Variants in PCDHA6 observed in about 807,000 individuals in gnomAD.
PCDHA6 encodes protocadherin alpha 6, also known as protocadherin alpha-6.
Under a neutral mutation model 60.3 loss-of-function variants are expected in PCDHA6, and 55 were observed. The observed-to-expected ratio is 0.91, with a 90% CI of 0.73 to 1.14. PCDHA6 has a LOEUF of 1.14. Among genes scored for constraint, PCDHA6 ranks in the 50% most tolerant of loss-of-function variants. PCDHA6 has a pLI of 0.00. For missense variants in PCDHA6, 1,327 were observed against 1,256.5 expected (o/e 1.06, Z -0.85); for synonymous variants, 652 against 557.9 (o/e 1.17, Z -2.38).
At chr5:141,009,462 A>G (rs1279658091) in intron 3 of PCDHA6, 165 bp from the exon 4 acceptor site, 2 of 954,512 alleles carry the variant, frequency 2.1e-6, no homozygotes, top group Non-Finnish European at 2.5e-6. Flanking sequence ...TAAACAAATA[A>G]ATAAATAAGT....
chr5:140,942,846 A>C (rs1239885134), intron 1 of PCDHA6, among the ~76,000 whole-genome samples: 1 of 152,312 alleles, frequency 6.6e-6, no homozygotes, highest in East Asian at 1.9e-4. Flanking sequence ...AAATTCCAGT[A>C]AGATGATTAT....
intron 1 of PCDHA6, chr5:140,859,239 A>G (rs1025873150): frequency 1.3e-5 from 2 of 152,746 alleles, no homozygotes; most frequent in Admixed American, 1.3e-4. Flanking sequence ...AGTCATGCTT[A>G]TGTTTAATAA....
intron 1 of PCDHA6, among the ~76,000 whole-genome samples, chr5:140,960,639 C>T (rs1184483884): frequency 5.9e-5 from 9 of 152,058 alleles, no homozygotes; most frequent in Admixed American, 5.9e-4. Flanking sequence ...ATTTTTAAAA[C>T]CCCTATCCAA....
chr5:140,994,788 C>G (rs139745274), intron 3 of PCDHA6, among the ~76,000 whole-genome samples: 1 of 152,194 alleles, frequency 6.6e-6, no homozygotes, highest in East Asian at 1.9e-4. Context: ...GGAAACAATG[C>G]GTGCATGCAA....
intron 3 of PCDHA6, among the ~76,000 whole-genome samples, chr5:140,991,068 T>A (rs1563570560): frequency 6.6e-6 from 1 of 152,216 alleles, no homozygotes; most frequent in Admixed American, 6.5e-5. Flanking sequence ...ATTATTCCCA[T>A]GTTTCAGATA....
intron 1 of PCDHA6, chr5:140,835,866 G>A (rs2150246890): frequency 6.2e-7 from 1 of 1,612,132 alleles, no homozygotes. Context: ...CTACTCGCTG[G>A]TGGAGCTGCG....
chr5:140,838,077 A>AGT (rs2150283763), intron 1 of PCDHA6, among the ~76,000 whole-genome samples: 1,310 of 80,648 alleles, frequency 0.016, 14 homozygotes, highest in South Asian at 0.044. Context: ...ATATATATAT[A>AGT]GTGTGTGTGT....
chr5:140,842,383 C>G lies in PCDHA6; in HGVS notation c.2394+11898C>G, dbSNP rs1554138979. 20 of 1,610,678 alleles carry G rather than the reference C, an allele frequency of 1.2e-5. No individual in the cohort carries two copies. In the South Asian group the frequency reaches 2.2e-4, roughly 18 times the overall value. On this transcript the variant is annotated intron_variant, in intron 1 of 3. Coordinates refer to ENST00000529310, the MANE Select transcript of PCDHA6 (RefSeq NM_018909.4). ...ACGTCCCTGAGATAGCACTGACTTC[C>G]TTATCCTTGCCTGTACGTGAAGACG... is the stretch of plus-strand genomic sequence containing the variant.
At chr5:140,979,399 G>T (rs1352440599) in intron 2 of PCDHA6, among the ~76,000 whole-genome samples, 1 of 151,708 alleles carries the variant, frequency 6.6e-6, no homozygotes. Flanking sequence ...CATACATGTT[G>T]TCTACCTTGT....
intron 1 of PCDHA6, among the ~76,000 whole-genome samples, chr5:140,919,297 G>C (rs1351756549): frequency 6.6e-6 from 1 of 152,120 alleles, no homozygotes; most frequent in African/African-American, 2.4e-5. Context: ...GTTGCTGTTT[G>C]TACAATATAT....
Position 140,884,117 on chromosome 5 carries a change from G to A in PCDHA6, c.2394+53632G>A, listed in dbSNP as rs782383006. 1 of 1,613,298 alleles carries A rather than the reference G, an allele frequency of 6.2e-7. No homozygotes were observed. The highest frequency in any genetic ancestry group is 1.7e-5 in the Admixed American group (1 of 60,006). On this transcript the variant is annotated intron_variant, in intron 1 of 3. Transcript: ENST00000529310. ...GTATGAATTGCAGCTGGCGGCGGTC[G>A]GCGCGCGCATCCCGTTCCGCGTGGG...
intron 1 of PCDHA6, among the ~76,000 whole-genome samples, chr5:140,908,412 T>G (rs2073956005): frequency 6.6e-6 from 1 of 152,212 alleles, no homozygotes; most frequent in South Asian, 2.1e-4. Context: ...TTCCATTTGA[T>G]GATGGAATGC....
chr5:140,963,907 A>C (rs1303006789), intron 1 of PCDHA6, among the ~76,000 whole-genome samples: 1 of 152,240 alleles, frequency 6.6e-6, no homozygotes, highest in Non-Finnish European at 1.5e-5. Flanking sequence ...AGTAAAGTGA[A>C]GCTTAGGCTA....
Position 140,928,819 on chromosome 5 carries a change from G to A in PCDHA6, c.2395-50130G>A, listed in dbSNP as rs1464149149. On this transcript the variant is annotated intron_variant, in intron 1 of 3. Coordinates refer to ENST00000529310, the MANE Select transcript of PCDHA6 (RefSeq NM_018909.4). ...GGTGGTAGTGGTTCGGGACCATGGAGACCCACCACTTTCCTCCTCTGTCAC... is the reference window on the plus strand; with the variant it reads ...GGTGGTAGTGGTTCGGGACCATGGAAACCCACCACTTTCCTCCTCTGTCAC... 8 of 1,614,024 alleles carry A rather than the reference G, an allele frequency of 5.0e-6. No homozygotes were observed. In the Admixed American group the frequency reaches 1.0e-4, roughly 20 times the overall value.
intron 1 of PCDHA6, chr5:140,842,493 C>G (rs1554139100): frequency 6.2e-7 from 1 of 1,613,738 alleles, no homozygotes; most frequent in African/African-American, 1.3e-5. Context: ...TCCCTGATGC[C>G]CCATGTCCCC....
intron 1 of PCDHA6, among the ~76,000 whole-genome samples, chr5:140,873,700 A>G (rs1411262715): frequency 3.3e-5 from 5 of 152,202 alleles, no homozygotes; most frequent in African/African-American, 1.2e-4. Flanking sequence ...TTGCTCTATC[A>G]CCCAGGCTGG....
intron 3 of PCDHA6, among the ~76,000 whole-genome samples, chr5:140,990,256 A>G (rs2153888367): frequency 6.6e-6 from 1 of 152,332 alleles, no homozygotes; most frequent in Middle Eastern, 3.4e-3. Flanking sequence ...TCTGCTGGAT[A>G]CCAAACAATG....
At chr5:140,958,744 A>G (rs1421311606) in intron 1 of PCDHA6, among the ~76,000 whole-genome samples, 1 of 152,156 alleles carries the variant, frequency 6.6e-6, no homozygotes, top group Non-Finnish European at 1.5e-5. Context: ...AAAGAGAGAA[A>G]GGAGATTTTT....
At chr5:140,905,669 A>T (rs781948009) in intron 1 of PCDHA6, among the ~76,000 whole-genome samples, 1 of 152,228 alleles carries the variant, frequency 6.6e-6, no homozygotes, top group Non-Finnish European at 1.5e-5. Flanking sequence ...ATCCATTAAC[A>T]TGGAACATAT....
Sources: allele counts gnomAD v4.1 joint callset (sites outside exome capture counted in the v4.1 genomes callset), GRCh38; gene constraint gnomAD v4.1.1; transcripts MANE v1.5; gene names NCBI Gene and HGNC (gene_info 2026-07-23, HGNC 2026-07-21).